ODAD3: variants seen among roughly 807,000 people sequenced by gnomAD.
ODAD3 encodes the protein outer dynein arm docking complex subunit 3, also known as outer dynein arm-docking complex subunit 3.
ODAD3 carries 57 observed loss-of-function variants against 70.9 expected under a neutral mutation model. That is an observed-to-expected ratio of 0.80 (90% CI 0.65 to 1.00). ODAD3 has a LOEUF of 1.00. ODAD3 is among the 50% of genes least tolerant of loss of function. The pLI is 0.00. For missense variants in ODAD3, 797 were observed against 763.9 expected, an observed-to-expected ratio of 1.04 and a Z score of -0.51; for synonymous variants, 327 against 315.9, an observed-to-expected ratio of 1.04 and a Z score of -0.37.
chr19:11,435,695 C>T, upstream of ODAD3: 1 of 1,312,920 alleles, frequency 7.6e-7, no homozygotes, highest in Non-Finnish European at 9.9e-7. Flanking sequence ...CTGACCTTTG[C>T]TCCGGCCTCG....
chr19:11,434,227 A>ACC (rs1181999581), intron 1 of ODAD3, among the ~76,000 whole-genome samples: 2 of 104,814 alleles, frequency 1.9e-5, no homozygotes, highest in East Asian at 3.2e-4. Flanking sequence ...AACAAAAAAC[A>ACC]AAACAAAAAA....
chr19:11,421,644 T>A, intron 11 of ODAD3, 33 bp downstream of exon 11: 1 of 1,596,794 alleles, frequency 6.3e-7, no homozygotes, highest in Non-Finnish European at 8.5e-7. Context: ...TACTCCTAGA[T>A]CTCTGGAGCT....
chr19:11,422,418 C>T lies in ODAD3; in HGVS notation c.1434+53G>A, dbSNP rs1156963559. 2 of 1,472,216 alleles carry T rather than the reference C, an allele frequency of 1.4e-6. No individual in the cohort carries two copies. Among genetic ancestry groups the T allele is most frequent in the East Asian group, 4.9e-5 (2 of 40,678 alleles). The allele number at this position is 1,472,216 out of a possible 1,614,324, so 91.2% of individuals were successfully genotyped here. On this transcript the variant is annotated intron_variant, in intron 10 of 12. Coordinates refer to ENST00000356392, the MANE Select transcript of ODAD3 (RefSeq NM_145045.5). The surrounding 1 kb of genome is among the most constrained non-coding windows in gnomAD (Gnocchi z 4.6). ...TGGCAGGAACCCCGCTTCGTGGCTG[C>T]GCCTCTGCGGTCCCAGGAGGGCCTG...
In ODAD3 at chr19:11,421,165, G is replaced by A; in HGVS notation, c.1638C>T (p.Ile546=). 2 of 1,613,662 alleles carry A rather than the reference G, an allele frequency of 1.2e-6. No individual in the cohort carries two copies. The highest frequency in any genetic ancestry group is 4.5e-5 in the East Asian group (2 of 44,842). ...EGRLPEYNTR[I]ALPLATSKDK... ...CCTTGGAAGTGGCAAGGGGCAGGGC[G>A]ATGCGGGTGTTGTATTCGGGCAGCC... Residue 546 remains isoleucine (I), a synonymous_variant, in exon 12 of 13, where the codon ATC becomes ATT. Transcript: ENST00000356392.
At position 11,422,494 on chromosome 19, in the gene ODAD3, T is replaced by C. The variant is rs1238223225; in HGVS notation, c.1411A>G (p.Ser471Gly). The C allele has an allele frequency of 3.8e-6, 6 of 1,594,566 alleles. No homozygotes were observed. The highest frequency in any genetic ancestry group is 2.0e-4 in the Middle Eastern group (1 of 4,888). The change falls in exon 10 of 13, where the codon AGC (serine) becomes GGC (glycine). Residue 471 changes from serine to glycine, a missense_variant. By Grantham distance (56) the Ser-to-Gly change is moderately conservative. Coordinates refer to ENST00000356392, the MANE Select transcript of ODAD3 (RefSeq NM_145045.5). This position sits in a 1 kb window ranked among gnomAD's most constrained non-coding sequence, Gnocchi z 4.6. ...VAKDSLEHLA[S>G]KLIHITVEDG... ...ACCACAGTGATGTGGATCAGCTTGC[T>C]GGCCAGGTGCTCCAGGCTGTCCTTG...
Position 11,422,494 on chromosome 19 carries a change from T to A in ODAD3, c.1411A>T (p.Ser471Cys), listed in dbSNP as rs1238223225. ...ACCACAGTGATGTGGATCAGCTTGC[T>A]GGCCAGGTGCTCCAGGCTGTCCTTG... ...VAKDSLEHLA[S>C]KLIHITVEDG... Residue 471 changes from serine (S) to cysteine (C), a missense_variant, in exon 10 of 13, where the codon AGC becomes TGC. Coordinates refer to ENST00000356392, the MANE Select transcript of ODAD3 (RefSeq NM_145045.5). This position sits in a 1 kb window ranked among gnomAD's most constrained non-coding sequence, Gnocchi z 4.6. 1.3e-6 allele frequency: 2 copies of A among 1,594,684 alleles called. No homozygotes were observed. The highest frequency in any genetic ancestry group is 1.7e-6 in the Non-Finnish European group (2 of 1,172,246).
intron 3 of ODAD3, among the ~76,000 whole-genome samples, chr19:11,429,472 G>A (rs1969458184): frequency 1.3e-5 from 2 of 151,926 alleles, no homozygotes; most frequent in African/African-American, 4.8e-5. Flanking sequence ...GTGCAGTGGT[G>A]CGATCTCAGC....
Position 11,428,129 on chromosome 19 carries a change from T to A in ODAD3, c.445-1089A>T, listed in dbSNP as rs182217319. Among the ~76,000 whole-genome samples, 989 of 150,282 alleles carry A rather than the reference T, an allele frequency of 6.6e-3. 12 individuals carry two copies. Among genetic ancestry groups the A allele is most frequent in the African/African-American group, 0.023 (938 of 40,906 alleles). ...AAAAAAAAAAATTATAGAGGCAGGGTCTCGCTATGTGGCTCAGGCTGGTCG... is the reference window on the plus strand; with the variant it reads ...AAAAAAAAAAATTATAGAGGCAGGGACTCGCTATGTGGCTCAGGCTGGTCG... On this transcript the variant is annotated intron_variant, in intron 3 of 12. Transcript: ENST00000356392.
At position 11,434,955 on chromosome 19, in the gene ODAD3, G is replaced by T; in HGVS notation, c.62C>A (p.Ser21Ter). 6.2e-7 allele frequency: 1 copy of T among 1,613,824 alleles called. No individual in the cohort carries two copies. The highest frequency in any genetic ancestry group is 8.5e-7 in the Non-Finnish European group (1 of 1,180,040). ...GCCCTTGACCCTGGAAGAGGGCGTC[G>T]AAGCCTGGTCCTGAGGAGGCAGGGC... ...ANALPPQDQA[S>*]TPSSRVKGRE... The change falls in exon 1 of 13, where the codon TCG (serine) becomes TAG (stop). Residue 21 changes from serine to a stop codon, truncating the protein, a stop_gained. Coordinates refer to ENST00000356392, the MANE Select transcript of ODAD3 (RefSeq NM_145045.5). LOFTEE classifies it high-confidence loss of function.
chr19:11,427,185 GTGT>G, intron 3 of ODAD3, 145 bp from the exon 4 acceptor site: 1 of 874,534 alleles, frequency 1.1e-6, no homozygotes, highest in Non-Finnish European at 1.7e-6. Flanking sequence ...CACCCCTTCT[GTGT>G]TGTTTTTGTA....
chr19:11,431,181 G>C, intron 1 of ODAD3, 161 bp from the exon 2 acceptor site: 1 of 866,894 alleles, frequency 1.2e-6, no homozygotes, highest in Non-Finnish European at 1.7e-6. Context: ...GTGCAATCTC[G>C]GCTCACCACA....
chr19:11,430,517 A>G (rs1465801562), intron 3 of ODAD3, 182 bp downstream of exon 3: 3 of 625,846 alleles, frequency 4.8e-6, no homozygotes, highest in Admixed American at 2.8e-5. Context: ...CTGCTTTTTC[A>G]CTGCATTTAC....
In ODAD3 at chr19:11,421,171, G is replaced by T. The variant is rs906455140; in HGVS notation, c.1632C>A (p.Thr544=). The T allele has an allele frequency of 2.5e-6, 4 of 1,613,544 alleles. No individual in the cohort carries two copies. The African/African-American group carries it at 4.0e-5, about 16-fold the overall frequency. Residue 544 remains threonine (T), a synonymous_variant, in exon 12 of 13, where the codon ACC becomes ACA. Transcript: ENST00000356392. ...AAGTGGCAAGGGGCAGGGCGATGCG[G>T]GTGTTGTATTCGGGCAGCCTTCCCT... ...SLEGRLPEYN[T]RIALPLATSK... is the part of the protein sequence containing the mutation.
At chr19:11,429,103 G>T (rs1969449856) in intron 3 of ODAD3, among the ~76,000 whole-genome samples, 2 of 150,092 alleles carry the variant, frequency 1.3e-5, no homozygotes, top group Non-Finnish European at 3.0e-5. Context: ...GGTCTCAAAC[G>T]CCCGACCTCA....
upstream of ODAD3, chr19:11,435,517 G>A: frequency 2.3e-6 from 1 of 441,132 alleles, no homozygotes; most frequent in Non-Finnish European, 4.2e-6. Context: ...GCCCAAGATG[G>A]CCGTCTCGGC....
At chr19:11,435,335 C>G, upstream of ODAD3, 1 of 611,300 alleles carries the variant, frequency 1.6e-6, no homozygotes, top group Non-Finnish European at 2.6e-6. Context: ...GGGTCACGTG[C>G]TCATTCCGTT....
rs1969202423 is a variant in ODAD3, at chr19:11,423,954, G to A, written c.1039C>T (p.Arg347Trp). 6.2e-7 allele frequency: 1 copy of A among 1,613,304 alleles called. No individual in the cohort carries two copies. Among genetic ancestry groups the A allele is most frequent in the South Asian group, 1.1e-5 (1 of 91,066 alleles). ...ATCTGGTACATGCTCCAGCGCTGCC[G>A]CAGCTCCTCCTCCTTGGCATGCAGG... ...DSLHAKEEELRQRWSMYQMEV... is the reference protein window; with the variant it reads ...DSLHAKEEELWQRWSMYQMEV... The change falls in exon 8 of 13, where the codon CGG becomes TGG. Residue 347 changes from arginine (R) to tryptophan (W), a missense_variant. By Grantham distance (101) the Arg-to-Trp change is moderately radical (BLOSUM62 -3). Transcript: ENST00000356392.
At position 11,424,965 on chromosome 19, in the gene ODAD3, A is replaced by ATATGTACATATGTGTG. The variant is rs1969249112; in HGVS notation, c.964-937_964-936insCACACATATGTACATA. Among the ~76,000 whole-genome samples the ATATGTACATATGTGTG allele has an allele frequency of 1.7e-3, 203 of 119,772 alleles. 45 individuals carry two copies. The highest frequency in any genetic ancestry group is 6.9e-3 in the African/African-American group (185 of 26,716). The allele number at this position is 119,772 out of a possible 152,430, so 78.6% of individuals were successfully genotyped here. On this transcript the variant is annotated intron_variant, in intron 7 of 12. Transcript: ENST00000356392. ...TATATGTGTATATGTACATATGTGTATATATGTATATATGTGTATATGTAC... is the reference window on the plus strand; with the variant it reads ...TATATGTGTATATGTACATATGTGTATATGTACATATGTGTGTATATGTATATATGTGTATATGTAC...
chr19:11,435,741 G>T, upstream of ODAD3: 3 of 1,350,170 alleles, frequency 2.2e-6, no homozygotes, highest in Non-Finnish European at 2.9e-6. Flanking sequence ...GGGCACCTCA[G>T]TTTCTTACAG....
Sources: allele counts gnomAD v4.1 joint callset (sites outside exome capture counted in the v4.1 genomes callset), GRCh38; gene constraint gnomAD v4.1.1; non-coding constraint Gnocchi (gnomAD v3.1); transcripts MANE v1.5; gene names NCBI Gene and HGNC (gene_info 2026-07-23, HGNC 2026-07-21).